RIPOR2: variants seen among roughly 807,000 people sequenced by gnomAD.
RIPOR2 encodes the protein rho family-interacting cell polarization regulator 2.
A neutral mutation model predicts 114.5 loss-of-function variants in RIPOR2; 39 were observed. That is an observed-to-expected ratio of 0.34 (90% CI 0.26 to 0.44). The LOEUF is 0.44. Among genes scored for constraint, RIPOR2 ranks in the 20% least tolerant of loss-of-function variants. RIPOR2 has a pLI of 1.00. For synonymous variants in RIPOR2, 445 were observed against 484.4 expected (o/e 0.92, Z 1.07); for missense variants, 1,007 against 1,255.1 (o/e 0.80, Z 2.99).
chr6:24,938,707 C>T (rs1211445414), upstream of RIPOR2, among the ~76,000 whole-genome samples: 1 of 152,128 alleles, frequency 6.6e-6, no homozygotes, highest in African/African-American at 2.4e-5. Flanking sequence ...CCTCAGTCTC[C>T]TCTTCTCCAA....
At chr6:24,836,316 A>G (rs1761104245) in intron 14 of RIPOR2, among the ~76,000 whole-genome samples, 7 of 152,196 alleles carry the variant, frequency 4.6e-5, no homozygotes, top group Admixed American at 4.6e-4. Flanking sequence ...ATCAACTGCT[A>G]CTTGAATAAA....
intron 1 of RIPOR2, among the ~76,000 whole-genome samples, chr6:25,017,567 G>C (rs76259803): frequency 6.6e-6 from 1 of 152,082 alleles, no homozygotes; most frequent in Non-Finnish European, 1.5e-5. Flanking sequence ...AAGTCCTTCC[G>C]GCCCTCTGGT....
At position 24,848,053 on chromosome 6, in the gene RIPOR2, G is replaced by T. The variant is rs375981215; in HGVS notation, c.1136C>A (p.Thr379Lys). ...GAAGGAGTGGTCTTTGAAGGTGGGCGTTTCCGGGGTACCCTGGCTGTACAT... is the reference window on the plus strand; with the variant it reads ...GAAGGAGTGGTCTTTGAAGGTGGGCTTTTCCGGGGTACCCTGGCTGTACAT... ...MSMYSQGTPE[T>K]PTFKDHSFFS... The change falls in exon 12 of 22, where the codon ACG becomes AAG. Residue 379 changes from threonine (T) to lysine (K), a missense_variant. Physicochemically the swap from Thr to Lys is moderately conservative, Grantham distance 78. Transcript: ENST00000643898. 24 of 1,613,826 alleles carry T rather than the reference G, an allele frequency of 1.5e-5. No individual in the cohort carries two copies. In the East Asian group the frequency reaches 4.9e-4, roughly 33 times the overall value.
chr6:24,948,454 C>T (rs1166520463), intron 1 of RIPOR2: 1 of 152,260 alleles, frequency 6.6e-6, no homozygotes, highest in African/African-American at 2.4e-5. Flanking sequence ...TCCTCTCCTT[C>T]ACTGCTCTGT....
At chr6:24,984,868 C>T (rs762156743) in intron 1 of RIPOR2, among the ~76,000 whole-genome samples, 1 of 152,088 alleles carries the variant, frequency 6.6e-6, no homozygotes, top group Non-Finnish European at 1.5e-5. Context: ...ACCCTGGTAC[C>T]CTGGAACCCA....
At chr6:25,002,988 G>T (rs187823954) in intron 1 of RIPOR2, among the ~76,000 whole-genome samples, 2 of 152,284 alleles carry the variant, frequency 1.3e-5, no homozygotes, top group Non-Finnish European at 2.9e-5. Flanking sequence ...CAGCTCCTGC[G>T]AATATTTCTG....
At chr6:24,898,252 T>A (rs577392717) in intron 1 of RIPOR2, 1 of 152,302 alleles carries the variant, frequency 6.6e-6, no homozygotes, top group African/African-American at 2.4e-5. Context: ...TGTGTTTTCC[T>A]ACTTAAGTTG....
intron 1 of RIPOR2, among the ~76,000 whole-genome samples, chr6:24,907,499 G>A (rs1001850237): frequency 2.0e-5 from 3 of 152,172 alleles, no homozygotes; most frequent in Non-Finnish European, 2.9e-5. Context: ...CAACCTAAGT[G>A]AGATGAGTTT....
chr6:24,856,275 C>T (rs1365225011), intron 8 of RIPOR2, among the ~76,000 whole-genome samples: 1 of 152,088 alleles, frequency 6.6e-6, no homozygotes, highest in Non-Finnish European at 1.5e-5. Flanking sequence ...AACACAACAA[C>T]CCACTTAAAA....
chr6:24,944,876 G>A (rs1772329036), intron 1 of RIPOR2, among the ~76,000 whole-genome samples: 2 of 152,058 alleles, frequency 1.3e-5, no homozygotes, highest in African/African-American at 2.4e-5. Context: ...AAAGGGCAAA[G>A]GGATGAAAAA....
chr6:24,818,622 A>G lies in RIPOR2; in HGVS notation c.2872T>C (p.Leu958=). 6.5e-7 allele frequency: 1 copy of G among 1,545,682 alleles called. No individual in the cohort carries two copies. Among genetic ancestry groups the G allele is most frequent in the Non-Finnish European group, 8.7e-7 (1 of 1,143,080 alleles). The change falls in exon 20 of 22, where the codon TTG becomes CTG. Residue 958 remains leucine (L), a synonymous_variant. Transcript: ENST00000643898. Reference sequence around the variant, plus strand: ...GTTAGTGCTTCACAGTAATAGAGCAAGGCCTGAAAGAGAAGGAGGGACCTC... The same window carrying G: ...GTTAGTGCTTCACAGTAATAGAGCAGGGCCTGAAAGAGAAGGAGGGACCTC... ...SKNQHFREKA[L]LYYCEALTKT...
intron 9 of RIPOR2, 131 bp downstream of exon 9, chr6:24,852,444 G>C (rs1248746931): frequency 2.8e-6 from 2 of 726,248 alleles, no homozygotes; most frequent in African/African-American, 1.8e-5. Context: ...CTTTCTCATT[G>C]GCTTAAAATG....
intron 1 of RIPOR2, among the ~76,000 whole-genome samples, chr6:24,998,906 T>C (rs1175732433): frequency 9.2e-5 from 14 of 152,078 alleles, no homozygotes. Context: ...AGAGCTTGTA[T>C]TGACTTCTTC....
rs1761073468 is a variant in RIPOR2 at position 24,835,943 on chromosome 6, G to A, written c.2040-72C>T. On this transcript the variant is annotated intron_variant, in intron 14 of 21. Coordinates refer to ENST00000643898, the MANE Select transcript of RIPOR2 (RefSeq NM_001286445.3). ...ACCACAGGTCAAGTCCACATGGTTT[G>A]CATCGGGCCCCAACAGCACCCACTG... The A allele has an allele frequency of 2.1e-6, 3 of 1,445,006 alleles. No individual in the cohort carries two copies. In the African/African-American group the frequency reaches 4.2e-5, roughly 20 times the overall value. 89.5% of individuals were successfully genotyped at this position (1,445,006 alleles called of 1,614,324 possible).
rs151072320 is a variant in RIPOR2, at chr6:25,027,447, A to G, written c.76+14404T>C. Reference sequence around the variant, plus strand: ...GAGGGTCAGGGCCCAGGGTATAAACATAGACATGCTGTGCAGCGGTTTCTG... The same window carrying G: ...GAGGGTCAGGGCCCAGGGTATAAACGTAGACATGCTGTGCAGCGGTTTCTG... On this transcript the variant is annotated intron_variant, in intron 1 of 13. Coordinates refer to the RIPOR2 transcript ENST00000510784. Among the ~76,000 whole-genome samples the G allele has an allele frequency of 1.9e-3, 295 of 152,318 alleles. 3 individuals are homozygous for G. Among genetic ancestry groups the G allele is most frequent in the East Asian group, 0.017 (90 of 5,180 alleles).
At chr6:24,925,665 G>A (rs1259624253) in intron 1 of RIPOR2, among the ~76,000 whole-genome samples, 1 of 151,358 alleles carries the variant, frequency 6.6e-6, no homozygotes, top group African/African-American at 2.4e-5. Context: ...TTGCACCACT[G>A]TACTCCAGCC....
intron 13 of RIPOR2, 103 bp from the exon 14 acceptor site, chr6:24,839,375 A>C (rs530711226): frequency 2.1e-6 from 3 of 1,445,298 alleles, no homozygotes; most frequent in African/African-American, 2.9e-5. Context: ...TTTTGTTTCA[A>C]GTTTTTATTT....
intron 1 of RIPOR2, among the ~76,000 whole-genome samples, chr6:24,959,998 T>C (rs418354): frequency 0.99 from 151,330 of 152,360 alleles, 75,156 homozygotes; most frequent in Middle Eastern, 1. Context: ...TTTCTTTTGT[T>C]TACCTCCTTC....
chr6:24,828,127 C>CA lies in RIPOR2; in HGVS notation c.2665+9dup. On this transcript the variant is annotated intron_variant, in intron 18 of 21. Transcript: ENST00000643898. ...CCACCACTACAATGTGACAAAAGAA[C>CA]ATGTCCCACCTTGCCTGGCCAGCTG... 3 of 1,538,438 alleles carry CA rather than the reference C, an allele frequency of 2.0e-6. No homozygotes were observed. Among genetic ancestry groups the CA allele is most frequent in the Non-Finnish European group, 1.8e-6 (2 of 1,139,830 alleles).
Sources: gnomAD v4.1 joint callset for allele counts (sites outside exome capture counted in the v4.1 genomes callset) on GRCh38, gnomAD v4.1.1 for gene constraint, MANE v1.5 for transcripts, NCBI Gene and HGNC (gene_info 2026-07-23, HGNC 2026-07-21) for gene names.